Variants in ABCA12 observed in about 807,000 individuals in gnomAD.
The protein encoded by ABCA12 is ATP binding cassette subfamily A member 12.
Under a neutral mutation model 293.5 loss-of-function variants are expected in ABCA12, and 156 were observed. That is an observed-to-expected ratio of 0.53 (90% CI 0.47 to 0.61). The LOEUF is 0.61. Ranked by LOEUF, ABCA12 falls within the 20% of genes least tolerant of loss-of-function variation. The pLI, the probability that ABCA12 is intolerant of heterozygous loss-of-function variation, is 0.00. For missense variants in ABCA12, 2,797 were observed against 3,090.2 expected, an observed-to-expected ratio of 0.91 and a Z score of 2.25; for synonymous variants, 1,063 against 1,108.0, an observed-to-expected ratio of 0.96 and a Z score of 0.81.
At chr2:215,104,692 G>GC (rs985051315) in intron 2 of ABCA12, among the ~76,000 whole-genome samples, 2 of 152,144 alleles carry the variant, frequency 1.3e-5, no homozygotes, top group Admixed American at 6.5e-5. Context: ...TGGGTCTTTG[G>GC]CCGTGAAATT....
chr2:214,988,066 C>A (rs6435866), intron 26 of ABCA12, among the ~76,000 whole-genome samples: 152,154 of 152,270 alleles, frequency 1, 76,020 homozygotes, highest in Middle Eastern at 1. Flanking sequence ...CTATGAAATA[C>A]ATGTCTACAA....
chr2:215,119,212 C>G (rs1702750009), intron 1 of ABCA12, among the ~76,000 whole-genome samples: 1 of 152,220 alleles, frequency 6.6e-6, no homozygotes, highest in Non-Finnish European at 1.5e-5. Context: ...CTCAGGTGAT[C>G]TGCCAGCCTT....
chr2:214,958,309 A>T lies in ABCA12; in HGVS notation c.6085T>A (p.Cys2029Ser), dbSNP rs112834608. 1 of 1,613,898 alleles carries T rather than the reference A, an allele frequency of 6.2e-7. No homozygotes were observed. The highest frequency in any genetic ancestry group is 1.3e-5 in the African/African-American group (1 of 74,936). Residue 2029 changes from cysteine to serine, a missense_variant, in exon 41 of 53, where the codon TGC (cysteine) becomes AGC (serine). Physicochemically the swap from Cys to Ser is moderately radical, Grantham distance 112 (BLOSUM62 -1). This residue lies in a region of ABCA12 where 2,130 missense variants were observed against 2,427.0 expected (regional missense o/e 0.88). Coordinates refer to ENST00000272895, the MANE Select transcript of ABCA12 (RefSeq NM_173076.3). ...LQHISGIGVT[C>S]YWVTNFIYDM... ...TAAATGAAGTTTGTTACCCAGTAGC[A>T]TGTCACGCCAATGCCTGAAATGTGC...
intron 41 of ABCA12, 109 bp downstream of exon 41, chr2:214,958,168 G>C (rs2105936690): frequency 1.4e-6 from 2 of 1,424,406 alleles, no homozygotes; most frequent in East Asian, 4.6e-5. Context: ...TCCTGTCTTT[G>C]TGATAACAAT....
chr2:215,001,631 A>G lies in ABCA12; in HGVS notation c.2790T>C (p.Ile930=). The part of the protein sequence containing the change: ...NISSCVLYDR[I]QAAKTIDEME... ...TTTCATCTATGGTTTTTGCTGCCTG[A>G]ATACGGTCATATAATACACAAGAGG... The change falls in exon 21 of 53, where the codon ATT becomes ATC. Residue 930 remains isoleucine, a synonymous_variant. Transcript: ENST00000272895. 1 of 1,613,846 alleles carries G rather than the reference A, an allele frequency of 6.2e-7. No homozygotes were observed. The highest frequency in any genetic ancestry group is 8.5e-7 in the Non-Finnish European group (1 of 1,179,844).
In ABCA12 at chr2:214,986,580, T is replaced by C. The variant is rs746914291; in HGVS notation, c.4125A>G (p.Ser1375=). The change falls in exon 28 of 53, where the codon TCA becomes TCG. Residue 1375 remains serine, a synonymous_variant. Coordinates refer to ENST00000272895, the MANE Select transcript of ABCA12 (RefSeq NM_173076.3). The part of the protein sequence containing the change: ...NLNFYEGHIT[S]LLGPNGAGKT... ...TCCCAGCTCCATTGGGCCCCAGCAA[T>C]GAAGTAATATGCCCTTCATAAAAGT... 2.0e-5 allele frequency: 33 copies of C among 1,613,932 alleles called. No homozygotes were observed. The highest frequency in any genetic ancestry group is 2.7e-5 in the Non-Finnish European group (32 of 1,180,000).
intron 32 of ABCA12, 143 bp downstream of exon 32, chr2:214,978,661 T>C (rs991287438): frequency 1.9e-6 from 2 of 1,077,142 alleles, no homozygotes; most frequent in African/African-American, 3.2e-5. Context: ...CAGTCTTACA[T>C]AAGAATAGTA....
Position 214,932,628 on chromosome 2 carries a change from GAAGTGTT to G in ABCA12, c.7787_*5del, listed in dbSNP as rs760263339. 1.6e-5 allele frequency: 25 copies of G among 1,603,492 alleles called. No homozygotes were observed. Among genetic ancestry groups the G allele is most frequent in the Non-Finnish European group, 2.1e-5 (24 of 1,170,556 alleles). ...TCACACGCTGAGATTGAGTTTGCTG[GAAGTGTT>G]AAGACTCCATCTGGTCATCTTGTGA... On this transcript the variant is annotated stop_lost and 3_prime_UTR_variant, in exon 53 of 53. Coordinates refer to ENST00000272895, the MANE Select transcript of ABCA12 (RefSeq NM_173076.3).
chr2:215,062,778 C>T (rs539715825), intron 3 of ABCA12, among the ~76,000 whole-genome samples: 44 of 152,094 alleles, frequency 2.9e-4, no homozygotes, highest in Admixed American at 1.1e-3. Flanking sequence ...CTAGCAGAGG[C>T]CTTCTTTTGA....
At chr2:215,124,593 G>A (rs926506311) in intron 1 of ABCA12, among the ~76,000 whole-genome samples, 3 of 151,998 alleles carry the variant, frequency 2.0e-5, no homozygotes, top group Middle Eastern at 3.2e-3. Context: ...TTGGCCATTT[G>A]TATATCTTCT....
intron 13 of ABCA12, 112 bp downstream of exon 13, chr2:215,019,224 C>A: frequency 1.1e-6 from 1 of 879,338 alleles, no homozygotes; most frequent in Non-Finnish European, 1.9e-6. Flanking sequence ...TGTGTAAGGG[C>A]AGATAGCAAA....
rs190803529 is a variant in ABCA12, at chr2:215,115,610, G to T, written c.70-3920C>A. Among the ~76,000 whole-genome samples the T allele has an allele frequency of 4.6e-5, 7 of 152,178 alleles. No individual in the cohort carries two copies. In the East Asian group the frequency reaches 1.4e-3, roughly 29 times the overall value. On this transcript the variant is annotated intron_variant, in intron 1 of 52. Transcript: ENST00000272895. ...TGGCATTCCACCCCCCTATACTCTT[G>T]GCATCAAAGGGTATGTGCACACTAA...
rs200733839 is a variant in ABCA12 at position 215,026,821 on chromosome 2, T to C, written c.1179A>G (p.Pro393=). The change falls in exon 10 of 53, where the codon CCA becomes CCG. Residue 393 remains proline (P), a splice_region_variant and synonymous_variant. Transcript: ENST00000272895. ...NVTDSLARGS[P]ENLRLLQSTI... ...TTTGACTGTTAAGAACAGTATTACC[T>C]GGTGAACCTCTGGCCAAACTGTCAG... 8.6e-5 allele frequency: 138 copies of C among 1,595,638 alleles called. No homozygotes were observed. Among genetic ancestry groups the C allele is most frequent in the Non-Finnish European group, 1.1e-4 (131 of 1,163,368 alleles).
In ABCA12 at chr2:215,138,274, C is replaced by T; in HGVS notation, c.-66G>A. On this transcript the variant is annotated 5_prime_UTR_variant, in exon 1 of 53. Coordinates refer to ENST00000272895, the MANE Select transcript of ABCA12 (RefSeq NM_173076.3). The stretch of plus-strand genomic sequence containing the variant: ...CCACTCCACAAATGAAGAACTGATG[C>T]CCCGTCCAACTTGCTGTATGTCAGT... 6.5e-7 allele frequency: 1 copy of T among 1,542,446 alleles called. No homozygotes were observed. Among genetic ancestry groups the T allele is most frequent in the Non-Finnish European group, 9.0e-7 (1 of 1,114,918 alleles).
At chr2:215,027,301 G>A (rs183152617) in intron 9 of ABCA12, among the ~76,000 whole-genome samples, 5 of 152,024 alleles carry the variant, frequency 3.3e-5, no homozygotes, top group East Asian at 1.9e-4. Flanking sequence ...AGTCGAGATC[G>A]CGCCACTGCA....
At chr2:214,950,812 A>G in intron 45 of ABCA12, 67 bp downstream of exon 45, 1 of 1,549,480 alleles carries the variant, frequency 6.5e-7, no homozygotes, top group Non-Finnish European at 8.9e-7. Flanking sequence ...GCCAATAATT[A>G]AGATTTTAAT....
At chr2:215,021,806 T>A (rs560457296) in intron 11 of ABCA12, among the ~76,000 whole-genome samples, 1 of 152,346 alleles carries the variant, frequency 6.6e-6, no homozygotes, top group Admixed American at 6.5e-5. Context: ...CAATTAAATG[T>A]TGGTCATCTT....
rs1185624232 is a variant in ABCA12 at position 214,954,071 on chromosome 2, A to C, written c.6430T>G (p.Phe2144Val). Residue 2144 changes from phenylalanine (F) to valine (V), a missense_variant, in exon 44 of 53, where the codon TTC becomes GTC. Transcript: ENST00000272895. The part of the protein sequence containing the change: ...ELISETLKRI[F>V]LIFPQFCFGY... Reference sequence around the variant, plus strand: ...AAACAGAATTGTGGGAAAATCAGGAAAATGCGCTTGAGGGTTTCAGAAATA... The same window carrying C: ...AAACAGAATTGTGGGAAAATCAGGACAATGCGCTTGAGGGTTTCAGAAATA... 1 of 1,614,032 alleles carries C rather than the reference A, an allele frequency of 6.2e-7. No homozygotes were observed. Among genetic ancestry groups the C allele is most frequent in the South Asian group, 1.1e-5 (1 of 91,086 alleles).
Position 215,045,999 on chromosome 2 carries a change from T to A in ABCA12, c.710A>T (p.Asn237Ile). Reference sequence around the variant, plus strand: ...TTCCTGAAACACTATCTTCTGATTGTTGGGGTCACTGGATAGCTTAAAATA... The same window carrying A: ...TTCCTGAAACACTATCTTCTGATTGATGGGGTCACTGGATAGCTTAAAATA... ...KQFSQLSSDP[N>I]NQKIVFQEIV... The change falls in exon 7 of 53, where the codon AAC becomes ATC. Residue 237 changes from asparagine to isoleucine, a missense_variant. Asn to Ile is a moderately radical substitution (Grantham distance 149, BLOSUM62 -3). Transcript: ENST00000272895. 6.2e-7 allele frequency: 1 copy of A among 1,613,562 alleles called. No individual in the cohort carries two copies. The highest frequency in any genetic ancestry group is 8.5e-7 in the Non-Finnish European group (1 of 1,179,734).
Sources: gnomAD v4.1 joint callset for allele counts (sites outside exome capture counted in the v4.1 genomes callset) on GRCh38, gnomAD v4.1.1 for gene constraint, gnomAD v4.1.1 regional missense constraint, MANE v1.5 for transcripts, NCBI Gene and HGNC (gene_info 2026-07-23, HGNC 2026-07-21) for gene names.